Variants in ABTB1 observed in about 807,000 individuals in gnomAD.
ABTB1 encodes the protein ankyrin repeat and BTB domain containing 1, also known as ankyrin repeat and BTB/POZ domain-containing protein 1.
ABTB1 carries 45 observed loss-of-function variants against 57.1 expected under a neutral mutation model. The observed-to-expected ratio is 0.79, with a 90% confidence interval of 0.62 to 1.01. The LOEUF (loss-of-function observed/expected upper bound fraction) is 1.01, where lower values mean the gene tolerates loss of function less well. ABTB1 is among the 50% of genes least tolerant of loss of function. The pLI is 0.00. For synonymous variants in ABTB1, 302 were observed against 275.4 expected (o/e 1.10, Z -0.95); for missense variants, 630 against 666.3 (o/e 0.95, Z 0.60).
intron 8 of ABTB1, 35 bp from the exon 9 acceptor site, chr3:127,677,430 A>G (rs534033400): frequency 6.8e-6 from 11 of 1,610,836 alleles, no homozygotes; most frequent in African/African-American, 6.7e-5. Context: ...TCTGTGAACA[A>G]CTGCTCTGAT....
rs1403616760 is a variant in ABTB1, at chr3:127,674,836, C to A, written c.175+236C>A. ...CTGGGCCCAGTCATCAGCATTTCTC[C>A]CCGGACACGGTGCCTGCCTCTCTCT... On this transcript the variant is annotated intron_variant, in intron 3 of 11. Transcript: ENST00000232744. 2.0e-5 allele frequency among the ~76,000 whole-genome samples: 3 copies of A among 152,346 alleles called. No individual in the cohort carries two copies. In the East Asian group the frequency reaches 5.8e-4, roughly 29 times the overall value.
chr3:127,674,070 T>G, intron 1 of ABTB1: 1 of 396,316 alleles, frequency 2.5e-6, no homozygotes, highest in Non-Finnish European at 4.8e-6. Flanking sequence ...CTGGTGGGAG[T>G]GAAGGCTCCA....
chr3:127,675,722 GC>G, intron 3 of ABTB1: 2 of 562,300 alleles, frequency 3.6e-6, no homozygotes, highest in Non-Finnish European at 3.2e-6. Flanking sequence ...CACCAAGTCA[GC>G]TCTCCGTTCT....
intron 3 of ABTB1, among the ~76,000 whole-genome samples, chr3:127,675,149 G>A (rs550252289): frequency 2.0e-5 from 3 of 152,110 alleles, no homozygotes; most frequent in Admixed American, 6.5e-5. Flanking sequence ...TTCTGCAAAC[G>A]TTCACATGGC....
At chr3:127,673,193 TCA>T in intron 1 of ABTB1, 112 bp downstream of exon 1, 1 of 1,191,078 alleles carries the variant, frequency 8.4e-7, no homozygotes, top group Non-Finnish European at 1.1e-6. Flanking sequence ...CTCTGCCGGG[TCA>T]CAGCCCTCGG....
Position 127,677,066 on chromosome 3 carries a change from A to C in ABTB1, c.626A>C (p.Glu209Ala). Reference sequence around the variant, plus strand: ...CTCAGCGACCTGGAGGCCAAGTGCGAGAAGGTGTCTGAGTTTGGTGCGAGC... The same window carrying C: ...CTCAGCGACCTGGAGGCCAAGTGCGCGAAGGTGTCTGAGTTTGGTGCGAGC... ...DLLSDLEAKC[E>A]KVSEFVASKP... The change falls in exon 7 of 12, where the codon GAG (glutamate) becomes GCG (alanine). Residue 209 changes from glutamate (E) to alanine (A), a missense_variant. Physicochemically the swap from Glu to Ala is moderately radical, Grantham distance 107. Transcript: ENST00000232744. 10 of 1,614,132 alleles carry C rather than the reference A, an allele frequency of 6.2e-6. No homozygotes were observed. Among genetic ancestry groups the C allele is most frequent in the Non-Finnish European group, 8.5e-6 (10 of 1,179,994 alleles).
At chr3:127,673,112 G>C in intron 1 of ABTB1, 31 bp downstream of exon 1, 1 of 1,513,052 alleles carries the variant, frequency 6.6e-7, no homozygotes, top group African/African-American at 1.4e-5. Flanking sequence ...GGGAGGGTGC[G>C]GGAGGTGGCC....
rs1293944558 is a variant in ABTB1, at chr3:127,676,764, C to G, written c.526+183C>G. The G allele has an allele frequency of 1.1e-6, 1 of 874,342 alleles. No individual in the cohort carries two copies. The highest frequency in any genetic ancestry group is 2.7e-5 in the East Asian group (1 of 37,696). The allele number at this position is 874,342 out of a possible 1,614,324, so 54.2% of individuals were successfully genotyped here. Reference sequence around the variant, plus strand: ...GACTAGTGTGCCTGCTCAGGAAGAGCTTGTCCCACCCACATGCTGAGGCCC... The same window carrying G: ...GACTAGTGTGCCTGCTCAGGAAGAGGTTGTCCCACCCACATGCTGAGGCCC... On this transcript the variant is annotated intron_variant, in intron 6 of 11. Transcript: ENST00000232744. This position sits in a 1 kb window ranked among gnomAD's most constrained non-coding sequence, Gnocchi z 5.4.
chr3:127,677,611 C>T (rs758897860), intron 9 of ABTB1, 48 bp downstream of exon 9: 50 of 1,613,170 alleles, frequency 3.1e-5, no homozygotes, highest in Admixed American at 5.0e-5. Flanking sequence ...TTGCCCTGAG[C>T]CCCCGTCTAG....
Position 127,677,735 on chromosome 3 carries a change from G to A in ABTB1, c.921G>A (p.Glu307=), listed in dbSNP as rs1238642951. 6 of 1,610,412 alleles carry A rather than the reference G, an allele frequency of 3.7e-6. No homozygotes were observed. Among genetic ancestry groups the A allele is most frequent in the South Asian group, 2.2e-5 (2 of 90,648 alleles). Residue 307 remains glutamate, a synonymous_variant, in exon 10 of 12, where the codon GAG becomes GAA. Coordinates refer to ENST00000232744, the MANE Select transcript of ABTB1 (RefSeq NM_172027.3). ...CCCTGCTGGATGACCACTTCCGAGA[G>A]AGCGAGGAGCCAGCGACCTCAGGGG... ...FRALLDDHFR[E]SEEPATSGGP...
chr3:127,679,205 G>A (rs1319881730), intron 10 of ABTB1: 1 of 245,896 alleles, frequency 4.1e-6, no homozygotes, highest in African/African-American at 2.3e-5. Context: ...TGAGCTTTGT[G>A]ATCTTGGGCC....
intron 10 of ABTB1, 134 bp from the exon 11 acceptor site, chr3:127,679,851 G>T (rs1416717228): frequency 1.5e-5 from 10 of 646,200 alleles, no homozygotes; most frequent in South Asian, 3.3e-5. Context: ...CCATACATGC[G>T]CAGGGAGCTC....
chr3:127,679,807 G>A (rs1245251824), intron 10 of ABTB1, 178 bp from the exon 11 acceptor site: 1 of 598,318 alleles, frequency 1.7e-6, no homozygotes, highest in Non-Finnish European at 3.0e-6. Flanking sequence ...GCAGATCCCT[G>A]TGGGAATCTG....
chr3:127,676,716 T>C lies in ABTB1; in HGVS notation c.526+135T>C. The C allele has an allele frequency of 1.7e-6, 2 of 1,193,274 alleles. No homozygotes were observed. Among genetic ancestry groups the C allele is most frequent in the Non-Finnish European group, 2.4e-6 (2 of 839,566 alleles). The allele number at this position is 1,193,274 out of a possible 1,614,324, so 73.9% of individuals were successfully genotyped here. A position where few individuals can be genotyped will look rare whatever the true frequency, so the allele number is the denominator to read the frequency against. On this transcript the variant is annotated intron_variant, in intron 6 of 11. Coordinates refer to ENST00000232744, the MANE Select transcript of ABTB1 (RefSeq NM_172027.3). The surrounding 1 kb of genome is among the most constrained non-coding windows in gnomAD (Gnocchi z 5.4). ...CCCCCGGGGTGGTTCCAGCTGCCTC[T>C]CGGGTTGGGTTGCAAGAGAGAGGAC...
At chr3:127,679,410 G>A (rs2075069663) in intron 10 of ABTB1, 4 of 399,300 alleles carry the variant, frequency 1.0e-5, no homozygotes, top group African/African-American at 2.1e-5. Flanking sequence ...GCTCTGGCCT[G>A]AATCTGAGGG....
In ABTB1 at chr3:127,676,168, G is replaced by A. The variant is rs1399180241; in HGVS notation, c.320+54G>A. 2.5e-6 allele frequency: 4 copies of A among 1,608,082 alleles called. No individual in the cohort carries two copies. Among genetic ancestry groups the A allele is most frequent in the Admixed American group, 3.3e-5 (2 of 59,940 alleles). On this transcript the variant is annotated intron_variant, in intron 4 of 11. Transcript: ENST00000232744. The surrounding 1 kb of genome is among the most constrained non-coding windows in gnomAD (Gnocchi z 5.4). ...ATGGGGTGCGGTGGCCCTGGTGGGT[G>A]TGGCGAGTCTGCTCTGACTGTGGCC... is the stretch of plus-strand genomic sequence containing the variant.
At position 127,677,101 on chromosome 3, in the gene ABTB1, G is replaced by A. The variant is rs745826621; in HGVS notation, c.643+18G>A. 1.9e-5 allele frequency: 31 copies of A among 1,613,858 alleles called. No individual in the cohort carries two copies. In the South Asian group the frequency reaches 3.4e-4, roughly 18 times the overall value. ...TGAGTTTGGTGCGAGCAGGGTTTGG[G>A]GCCCGGGGCCATGGGTGCGGCCTGG... On this transcript the variant is annotated intron_variant, in intron 7 of 11. Transcript: ENST00000232744.
In ABTB1 at chr3:127,672,998, G is replaced by T. The variant is rs1171701079; in HGVS notation, c.-28G>T. 2 of 1,544,530 alleles carry T rather than the reference G, an allele frequency of 1.3e-6. No homozygotes were observed. The highest frequency in any genetic ancestry group is 1.2e-5 in the South Asian group (1 of 84,582). ...GTGCGCGGCTTCGCCGCCCGAGGTC[G>T]TTCGGCTCGGGTACCATCCTCCGCG... On this transcript the variant is annotated 5_prime_UTR_variant, in exon 1 of 12. Coordinates refer to ENST00000232744, the MANE Select transcript of ABTB1 (RefSeq NM_172027.3).
intron 10 of ABTB1, chr3:127,678,726 A>C (rs1016427744): frequency 6.6e-6 from 1 of 152,336 alleles, no homozygotes; most frequent in African/African-American, 2.4e-5. Context: ...AGGCAAACTC[A>C]TGCTCTAGGA....
Sources: allele counts gnomAD v4.1 joint callset (sites outside exome capture counted in the v4.1 genomes callset), GRCh38; gene constraint gnomAD v4.1.1; non-coding constraint Gnocchi (gnomAD v3.1); transcripts MANE v1.5; gene names NCBI Gene and HGNC (gene_info 2026-07-23, HGNC 2026-07-21).